Variants in DPF3 observed in about 807,000 individuals in gnomAD.
DPF3 encodes the protein double PHD fingers 3, also known as zinc finger protein DPF3.
A neutral mutation model predicts 56.8 loss-of-function variants in DPF3; 18 were observed. The observed-to-expected ratio is 0.32, with a 90% CI of 0.22 to 0.47. The LOEUF (loss-of-function observed/expected upper bound fraction) is 0.47, where lower values mean the gene tolerates loss of function less well. DPF3 is among the 20% of genes least tolerant of loss of function. The pLI is 1.00. For missense variants in DPF3, 403 were observed against 488.8 expected (o/e 0.82, Z 1.65); for synonymous variants, 188 against 180.2 (o/e 1.04, Z -0.35).
At chr14:72,640,630 A>G (rs1436549367) in intron 8 of DPF3, among the ~76,000 whole-genome samples, 1 of 152,224 alleles carries the variant, frequency 6.6e-6, no homozygotes, top group Non-Finnish European at 1.5e-5. Flanking sequence ...TGTGAGGAAG[A>G]GGCAGAAGTA....
intron 2 of DPF3, among the ~76,000 whole-genome samples, chr14:72,755,190 T>A (rs1035458853): frequency 6.6e-6 from 1 of 152,048 alleles, no homozygotes; most frequent in Non-Finnish European, 1.5e-5. Flanking sequence ...TAAGTAAGAG[T>A]GAGCTGGCCC....
intron 7 of DPF3, among the ~76,000 whole-genome samples, chr14:72,691,225 T>C (rs1200106383): frequency 6.6e-6 from 1 of 152,166 alleles, no homozygotes; most frequent in Non-Finnish European, 1.5e-5. Flanking sequence ...GCTTGCACCT[T>C]GGAAGTGAGC....
At chr14:72,759,651 T>C (rs1890987873) in intron 2 of DPF3, among the ~76,000 whole-genome samples, 1 of 152,066 alleles carries the variant, frequency 6.6e-6, no homozygotes. Context: ...TGAAATTTGA[T>C]GAAAACTATA....
intron 2 of DPF3, among the ~76,000 whole-genome samples, chr14:72,760,670 G>A (rs1431380235): frequency 2.0e-5 from 3 of 151,846 alleles, no homozygotes; most frequent in Non-Finnish European, 4.4e-5. Context: ...TAAACACTAA[G>A]CAATCACTAA....
chr14:72,839,545 G>A (rs1017997855), intron 1 of DPF3, among the ~76,000 whole-genome samples: 3 of 152,140 alleles, frequency 2.0e-5, no homozygotes, highest in Non-Finnish European at 2.9e-5. Flanking sequence ...GCGAAATGAC[G>A]CAGGGGCCAG....
chr14:72,697,078 G>A (rs927210312), intron 6 of DPF3, among the ~76,000 whole-genome samples: 19 of 148,764 alleles, frequency 1.3e-4, no homozygotes, highest in Non-Finnish European at 2.5e-4. Flanking sequence ...GTTATTAGCA[G>A]AATCAGGACC....
intron 1 of DPF3, among the ~76,000 whole-genome samples, chr14:72,785,475 C>A (rs76088612): frequency 0.037 from 5,700 of 152,252 alleles, 366 homozygotes; most frequent in African/African-American, 0.13. Context: ...GGCCACTGCA[C>A]TGTCAGCCTC....
intron 4 of DPF3, among the ~76,000 whole-genome samples, chr14:72,729,583 T>G (rs2139852033): frequency 6.6e-6 from 1 of 152,284 alleles, no homozygotes; most frequent in South Asian, 2.1e-4. Context: ...CAACAGAATA[T>G]TATTCAGCAT....
chr14:72,635,493 A>C (rs1885358509), intron 8 of DPF3, among the ~76,000 whole-genome samples: 1 of 152,210 alleles, frequency 6.6e-6, no homozygotes, highest in Admixed American at 6.5e-5. Context: ...TCCAGGCAAA[A>C]CTAGTGTTAG....
intron 1 of DPF3, among the ~76,000 whole-genome samples, chr14:72,813,732 T>C (rs2140022251): frequency 6.6e-6 from 1 of 152,350 alleles, no homozygotes; most frequent in African/African-American, 2.4e-5. Flanking sequence ...ATGAATCTCA[T>C]TTTTTAATCT....
chr14:72,773,290 G>A (rs1228943262), intron 1 of DPF3, among the ~76,000 whole-genome samples: 9 of 151,896 alleles, frequency 5.9e-5, no homozygotes, highest in Non-Finnish European at 1.2e-4. Flanking sequence ...CTGCCACCAT[G>A]CCCGGCTAAT....
chr14:72,844,894 C>A (rs774288036), intron 1 of DPF3, among the ~76,000 whole-genome samples: 1 of 152,104 alleles, frequency 6.6e-6, no homozygotes, highest in Non-Finnish European at 1.5e-5. Context: ...GAGGTCAAGG[C>A]CAGACGATCA....
chr14:72,885,316 T>G (rs1886500554), intron 1 of DPF3, among the ~76,000 whole-genome samples: 1 of 151,980 alleles, frequency 6.6e-6, no homozygotes, highest in Admixed American at 6.6e-5. Flanking sequence ...TTTGTTTAGT[T>G]TATAAGGTGG....
chr14:72,743,082 G>A (rs1156896402), intron 3 of DPF3, among the ~76,000 whole-genome samples: 1 of 152,172 alleles, frequency 6.6e-6, no homozygotes, highest in Non-Finnish European at 1.5e-5. Flanking sequence ...GATCATCCTG[G>A]TCGTTCATCC....
intron 6 of DPF3, among the ~76,000 whole-genome samples, chr14:72,702,466 C>T (rs1049652865): frequency 2.6e-5 from 4 of 152,132 alleles, no homozygotes; most frequent in Admixed American, 6.5e-5. Context: ...CTTGCCCACA[C>T]CTTCATAATC....
intron 1 of DPF3, among the ~76,000 whole-genome samples, chr14:72,803,173 G>A (rs759268975): frequency 2.1e-4 from 32 of 152,214 alleles, no homozygotes; most frequent in Non-Finnish European, 8.8e-5. Flanking sequence ...CTAAGTTTGT[G>A]TCCATAGAAT....
chr14:72,737,897 A>AT (rs1889961017), intron 3 of DPF3, among the ~76,000 whole-genome samples: 1 of 151,156 alleles, frequency 6.6e-6, no homozygotes, highest in Non-Finnish European at 1.5e-5. Flanking sequence ...ATGAGTGCTC[A>AT]ATTTTTTTTT....
chr14:72,797,197 G>A (rs1892679354), intron 1 of DPF3, among the ~76,000 whole-genome samples: 1 of 152,174 alleles, frequency 6.6e-6, no homozygotes, highest in East Asian at 1.9e-4. Context: ...CTAGCCTGCT[G>A]GAGAATGAGC....
intron 4 of DPF3, among the ~76,000 whole-genome samples, chr14:72,730,301 T>C (rs1358495991): frequency 1.3e-5 from 2 of 152,058 alleles, no homozygotes; most frequent in Non-Finnish European, 2.9e-5. Flanking sequence ...GAGTCAAATA[T>C]GACCCCAAGG....
Sources: allele counts gnomAD v4.1 joint callset (sites outside exome capture counted in the v4.1 genomes callset), GRCh38; gene constraint gnomAD v4.1.1; transcripts MANE v1.5; gene names NCBI Gene and HGNC (gene_info 2026-07-23, HGNC 2026-07-21).